The following CCSER1 variants were observed in gnomAD, a reference collection of about 807,000 sequenced individuals.
The protein encoded by CCSER1 is serine-rich coiled-coil domain-containing protein 1.
In CCSER1, 41 loss-of-function variants were observed where a neutral mutation model predicts 82.0. The ratio of observed to expected loss-of-function variants is 0.50; its 90% confidence interval spans 0.39 to 0.65. The LOEUF is 0.65. Among genes scored for constraint, CCSER1 ranks in the 30% least tolerant of loss-of-function variants. The probability of loss-of-function intolerance (pLI) is 0.00; values close to 1 mark genes in which losing one functional copy is unlikely to be tolerated. For missense variants in CCSER1, 1,119 were observed against 1,064.2 expected (o/e 1.05, Z -0.72); for synonymous variants, 414 against 383.9 (o/e 1.08, Z -0.92).
intron 5 of CCSER1, among the ~76,000 whole-genome samples, chr4:90,558,439 G>A (rs552242342): frequency 3.4e-4 from 51 of 151,820 alleles, no homozygotes; most frequent in Non-Finnish European, 4.6e-4. Flanking sequence ...CCAGTAAATC[G>A]CCTCACTTTT....
At chr4:91,196,116 G>A (rs72641170) in intron 10 of CCSER1, among the ~76,000 whole-genome samples, 1 of 151,606 alleles carries the variant, frequency 6.6e-6, no homozygotes, top group Admixed American at 6.6e-5. Context: ...GAACCCGGGA[G>A]GCGGAGCTTG....
intron 5 of CCSER1, among the ~76,000 whole-genome samples, chr4:90,474,469 C>G (rs547666029): frequency 6.6e-6 from 1 of 152,206 alleles, no homozygotes; most frequent in South Asian, 2.1e-4. Flanking sequence ...TTATAGAGAA[C>G]GAATTAGATG....
chr4:91,430,340 T>C (rs1310393592), intron 10 of CCSER1, among the ~76,000 whole-genome samples: 1 of 152,214 alleles, frequency 6.6e-6, no homozygotes, highest in Non-Finnish European at 1.5e-5. Context: ...ATAGGGTATG[T>C]GTATTATTTG....
At chr4:90,559,809 C>CAA (rs1236087772) in intron 5 of CCSER1, among the ~76,000 whole-genome samples, 1,706 of 39,714 alleles carry the variant, frequency 0.043, 252 homozygotes, top group Non-Finnish European at 0.059. Context: ...GACTCCGTCT[C>CAA]AAAAAAAAAA....
At chr4:90,662,798 C>T (rs540386281) in intron 6 of CCSER1, among the ~76,000 whole-genome samples, 3 of 152,216 alleles carry the variant, frequency 2.0e-5, no homozygotes, top group African/African-American at 7.2e-5. Flanking sequence ...GTTTCTGGTA[C>T]TCTACAAATT....
At chr4:90,132,709 A>G (rs1723012308) in intron 1 of CCSER1, among the ~76,000 whole-genome samples, 1 of 152,210 alleles carries the variant, frequency 6.6e-6, no homozygotes, top group African/African-American at 2.4e-5. Context: ...TGCTCAGATC[A>G]TTAACTAATG....
chr4:90,750,163 G>T (rs4331745), intron 7 of CCSER1, among the ~76,000 whole-genome samples: 39,713 of 150,536 alleles, frequency 0.26, 5,888 homozygotes, highest in Middle Eastern at 0.33. Context: ...TGTAAATTTG[G>T]TTGAGTTCGT....
chr4:90,881,047 TAAA>T (rs11355989), intron 8 of CCSER1, among the ~76,000 whole-genome samples: 8 of 145,168 alleles, frequency 5.5e-5, no homozygotes, highest in African/African-American at 1.5e-4. Flanking sequence ...CCCTAAAAAT[TAAA>T]AAAAAAAAAA....
intron 10 of CCSER1, among the ~76,000 whole-genome samples, chr4:91,321,548 G>A (rs886973776): frequency 4.6e-5 from 7 of 151,992 alleles, no homozygotes; most frequent in African/African-American, 7.2e-5. Flanking sequence ...TATGCTATTC[G>A]AAGTCAGTCC....
chr4:91,261,984 G>C (rs1003431347), intron 10 of CCSER1, among the ~76,000 whole-genome samples: 3 of 151,994 alleles, frequency 2.0e-5, no homozygotes, highest in African/African-American at 7.3e-5. Flanking sequence ...TGTATAACTT[G>C]AGACAAATTT....
intron 6 of CCSER1, among the ~76,000 whole-genome samples, chr4:90,708,519 C>T (rs1489879030): frequency 6.6e-6 from 1 of 152,128 alleles, no homozygotes; most frequent in East Asian, 1.9e-4. Flanking sequence ...ATAAGTGTTC[C>T]TACCCATCCT....
At chr4:91,051,805 CATA>C (rs1180370618) in intron 9 of CCSER1, among the ~76,000 whole-genome samples, 1 of 152,024 alleles carries the variant, frequency 6.6e-6, no homozygotes, top group South Asian at 2.1e-4. Context: ...TTAATTTGTG[CATA>C]ATATCATAAA....
chr4:90,627,114 A>G (rs1579563433), intron 5 of CCSER1, among the ~76,000 whole-genome samples: 1 of 152,256 alleles, frequency 6.6e-6, no homozygotes, highest in Non-Finnish European at 1.5e-5. Context: ...TATAGATATA[A>G]AATGGAGGTA....
intron 1 of CCSER1, among the ~76,000 whole-genome samples, chr4:90,252,764 G>A (rs1175862968): frequency 6.6e-6 from 1 of 151,668 alleles, no homozygotes; most frequent in Non-Finnish European, 1.5e-5. Flanking sequence ...ATTCCTTTGT[G>A]GCTGGAGAAC....
chr4:90,231,889 A>C (rs1332082081), intron 1 of CCSER1, among the ~76,000 whole-genome samples: 1 of 149,570 alleles, frequency 6.7e-6, no homozygotes, highest in Non-Finnish European at 1.5e-5. Context: ...CAAAGAGAAT[A>C]AAATACCTAG....
intron 10 of CCSER1, among the ~76,000 whole-genome samples, chr4:91,473,130 A>G (rs1757378104): frequency 6.6e-6 from 1 of 152,178 alleles, no homozygotes; most frequent in Non-Finnish European, 1.5e-5. Flanking sequence ...AGCCAACTCC[A>G]GACAAAGTCT....
chr4:90,573,438 G>C (rs1380887085), intron 5 of CCSER1, among the ~76,000 whole-genome samples: 1 of 152,178 alleles, frequency 6.6e-6, no homozygotes, highest in African/African-American at 2.4e-5. Flanking sequence ...AAAATCTTGT[G>C]CTTGCTTCCC....
chr4:91,177,215 G>T (rs554547790), intron 10 of CCSER1, among the ~76,000 whole-genome samples: 2 of 152,282 alleles, frequency 1.3e-5, no homozygotes, highest in East Asian at 3.9e-4. Context: ...GCTGGATTCG[G>T]TTTGCCAGTA....
chr4:90,891,097 G>A (rs902120608), intron 8 of CCSER1, among the ~76,000 whole-genome samples: 5 of 151,032 alleles, frequency 3.3e-5, no homozygotes, highest in African/African-American at 1.2e-4. Flanking sequence ...AATAAAGTTA[G>A]GAAACTTAAC....
Sources: gnomAD v4.1 joint callset for allele counts (sites outside exome capture counted in the v4.1 genomes callset) on GRCh38, gnomAD v4.1.1 for gene constraint, MANE v1.5 for transcripts, NCBI Gene and HGNC (gene_info 2026-07-23, HGNC 2026-07-21) for gene names.